PRKG1: variants seen among roughly 807,000 people sequenced by gnomAD.
PRKG1 encodes the protein cGMP-dependent protein kinase 1.
A neutral mutation model predicts 88.1 loss-of-function variants in PRKG1; 35 were observed. The ratio of observed to expected loss-of-function variants is 0.40; its 90% confidence interval spans 0.30 to 0.53. The LOEUF is 0.53. PRKG1 is among the 20% of genes least tolerant of loss of function. The probability of loss-of-function intolerance (pLI) is 0.59; values close to 1 mark genes in which losing one functional copy is unlikely to be tolerated. For synonymous variants in PRKG1, 303 were observed against 292.5 expected (o/e 1.04, Z -0.37); for missense variants, 540 against 839.8 (o/e 0.64, Z 4.41).
intron 2 of PRKG1, among the ~76,000 whole-genome samples, chr10:51,178,090 A>G (rs1373131713): frequency 6.6e-6 from 1 of 152,190 alleles, no homozygotes; most frequent in African/African-American, 2.4e-5. Context: ...GTTATTTTGA[A>G]AAAGCAACAC....
intron 5 of PRKG1, among the ~76,000 whole-genome samples, chr10:51,947,096 T>G (rs954812052): frequency 6.6e-6 from 1 of 152,062 alleles, no homozygotes; most frequent in Non-Finnish European, 1.5e-5. Context: ...CAGGCCTCCT[T>G]GAGCTGTGGT....
chr10:51,516,678 C>T (rs1466084093), intron 3 of PRKG1, among the ~76,000 whole-genome samples: 1 of 152,170 alleles, frequency 6.6e-6, no homozygotes, highest in Non-Finnish European at 1.5e-5. Flanking sequence ...GGTCTTGGGA[C>T]TGAAACACCT....
chr10:51,331,764 C>G (rs1379484174), intron 2 of PRKG1, among the ~76,000 whole-genome samples: 1 of 152,118 alleles, frequency 6.6e-6, no homozygotes, highest in Non-Finnish European at 1.5e-5. Flanking sequence ...CTGGAGAGTT[C>G]CACTCCATCA....
At chr10:52,155,416 A>G (rs1274171763) in intron 8 of PRKG1, among the ~76,000 whole-genome samples, 7 of 152,064 alleles carry the variant, frequency 4.6e-5, no homozygotes. Context: ...GAATTACTAG[A>G]TAAGCAAATA....
At chr10:51,407,087 A>G (rs912244999) in intron 2 of PRKG1, among the ~76,000 whole-genome samples, 6 of 152,178 alleles carry the variant, frequency 3.9e-5, no homozygotes, top group African/African-American at 1.4e-4. Flanking sequence ...AATGATGCCC[A>G]CCGGGATTAA....
intron 8 of PRKG1, among the ~76,000 whole-genome samples, chr10:52,156,445 AT>A (rs1261122129): frequency 6.6e-6 from 1 of 151,852 alleles, no homozygotes; most frequent in Non-Finnish European, 1.5e-5. Context: ...AGTAGCTTGA[AT>A]TGTCCCTTAT....
At chr10:51,106,491 A>C (rs1844834275) in intron 1 of PRKG1, among the ~76,000 whole-genome samples, 1 of 152,166 alleles carries the variant, frequency 6.6e-6, no homozygotes, top group African/African-American at 2.4e-5. Flanking sequence ...TTACAACTTA[A>C]GTCAGCTTCA....
chr10:51,185,261 ATATT>A (rs1253324831), intron 2 of PRKG1, among the ~76,000 whole-genome samples: 14 of 152,126 alleles, frequency 9.2e-5, no homozygotes, highest in Admixed American at 2.0e-4. Flanking sequence ...TAAAAAAGAA[ATATT>A]TATAAGAATC....
intron 5 of PRKG1, among the ~76,000 whole-genome samples, chr10:51,988,975 T>C (rs1238078616): frequency 2.0e-5 from 3 of 152,146 alleles, no homozygotes; most frequent in Admixed American, 1.3e-4. Flanking sequence ...TAAAGCTATT[T>C]CATGTTTTCT....
At chr10:52,162,650 G>T (rs1838307739) in intron 9 of PRKG1, among the ~76,000 whole-genome samples, 1 of 152,024 alleles carries the variant, frequency 6.6e-6, no homozygotes, top group Non-Finnish European at 1.5e-5. Context: ...TAAACAGATA[G>T]TTCAGGGCCA....
At chr10:51,349,675 T>G (rs1842198295) in intron 2 of PRKG1, among the ~76,000 whole-genome samples, 2 of 151,918 alleles carry the variant, frequency 1.3e-5, no homozygotes, top group African/African-American at 2.4e-5. Flanking sequence ...CCCAGCTAAT[T>G]TTTGTATTTT....
chr10:51,739,313 T>G (rs768327538), intron 3 of PRKG1, among the ~76,000 whole-genome samples: 36 of 152,298 alleles, frequency 2.4e-4, no homozygotes, highest in Non-Finnish European at 4.9e-4. Flanking sequence ...TTCCCAAAAC[T>G]CCTAGCTATA....
At chr10:51,091,921 A>G (rs1021712621) in intron 1 of PRKG1, among the ~76,000 whole-genome samples, 17 of 152,172 alleles carry the variant, frequency 1.1e-4, no homozygotes, top group African/African-American at 4.1e-4. Flanking sequence ...GCCTGTGCCT[A>G]TACTAAGAAT....
At chr10:51,963,580 C>T (rs994056258) in intron 5 of PRKG1, among the ~76,000 whole-genome samples, 1 of 151,966 alleles carries the variant, frequency 6.6e-6, no homozygotes, top group East Asian at 1.9e-4. Flanking sequence ...CCTGCCTCAG[C>T]CACCCGAGTA....
chr10:51,962,731 G>A (rs1843476366), intron 5 of PRKG1, among the ~76,000 whole-genome samples: 1 of 152,174 alleles, frequency 6.6e-6, no homozygotes, highest in African/African-American at 2.4e-5. Context: ...AGGGGAATGT[G>A]GTCTAGGCAC....
chr10:51,609,443 A>G (rs1439681186), intron 3 of PRKG1, among the ~76,000 whole-genome samples: 2 of 152,202 alleles, frequency 1.3e-5, no homozygotes, highest in Non-Finnish European at 2.9e-5. Context: ...TTCCTCAAAG[A>G]TCTAGAACCA....
Position 52,018,869 on chromosome 10 carries a change from T to C in PRKG1, c.763-35615T>C, listed in dbSNP as rs192181220. Among the ~76,000 whole-genome samples the C allele has an allele frequency of 1.3e-3, 194 of 152,334 alleles. 1 individual carries two copies. Among genetic ancestry groups the C allele is most frequent in the Non-Finnish European group, 5.4e-4 (37 of 68,036 alleles). ...TTAGAGGGGAATTTGGTCAATGTGA[T>C]TAGGCCAACTGTGTTTGCTAATTGG... On this transcript the variant is annotated intron_variant, in intron 5 of 17. Transcript: ENST00000373980.
At chr10:51,592,298 T>A (rs1475449980) in intron 3 of PRKG1, among the ~76,000 whole-genome samples, 1 of 152,120 alleles carries the variant, frequency 6.6e-6, no homozygotes, top group East Asian at 1.9e-4. Flanking sequence ...GTTTGGTGAG[T>A]TGCTACAATT....
chr10:51,915,496 G>A (rs1028212646), intron 5 of PRKG1, among the ~76,000 whole-genome samples: 3 of 152,032 alleles, frequency 2.0e-5, no homozygotes, highest in African/African-American at 4.8e-5. Flanking sequence ...TCCCTTTTGG[G>A]GAGCAAATTA....
Sources: gnomAD v4.1 joint callset for allele counts (sites outside exome capture counted in the v4.1 genomes callset) on GRCh38, gnomAD v4.1.1 for gene constraint, MANE v1.5 for transcripts, NCBI Gene and HGNC (gene_info 2026-07-23, HGNC 2026-07-21) for gene names.